FNDC1: variants seen among roughly 807,000 people sequenced by gnomAD.
The protein encoded by FNDC1 is fibronectin type III domain-containing protein 1.
Under a neutral mutation model 168.0 loss-of-function variants are expected in FNDC1, and 96 were observed. The observed-to-expected ratio is 0.57, with a 90% confidence interval of 0.48 to 0.68. The LOEUF is 0.68. Among genes scored for constraint, FNDC1 ranks in the 30% least tolerant of loss-of-function variants. FNDC1 has a pLI of 0.00. For missense variants in FNDC1, 2,587 were observed against 2,482.1 expected, an observed-to-expected ratio of 1.04 and a Z score of -0.90; for synonymous variants, 1,099 against 1,025.9, an observed-to-expected ratio of 1.07 and a Z score of -1.36.
At chr6:159,193,926 G>A (rs1782188900) in intron 1 of FNDC1, among the ~76,000 whole-genome samples, 1 of 152,190 alleles carries the variant, frequency 6.6e-6, no homozygotes, top group Admixed American at 6.5e-5. Context: ...GGCAATTGCT[G>A]GGTATCTGAA....
At chr6:159,179,075 C>T (rs1362222879) in intron 1 of FNDC1, among the ~76,000 whole-genome samples, 5 of 152,236 alleles carry the variant, frequency 3.3e-5, no homozygotes, top group Non-Finnish European at 7.3e-5. Context: ...CTCCGGCCTC[C>T]TGGCTGGTTC....
rs1417434518 is a variant in FNDC1, at chr6:159,233,384, G to A, written c.2872G>A (p.Ala958Thr). The change falls in exon 11 of 23, where the codon GCG becomes ACG. Residue 958 changes from alanine to threonine, a missense_variant. By Grantham distance (58) the Ala-to-Thr change is moderately conservative (BLOSUM62 0). Coordinates refer to ENST00000297267, the MANE Select transcript of FNDC1 (RefSeq NM_032532.3). The surrounding 1 kb of genome is among the most constrained non-coding windows in gnomAD (Gnocchi z 4.6). ...KAQDVQQSTD[A>T]DTEGHSPKAQ... ...TCAGGATGTTCAACAGAGCACAGAC[G>A]CGGACACGGAGGGTCATTCTCCCAA... is the stretch of plus-strand genomic sequence containing the variant. 3.7e-6 allele frequency: 6 copies of A among 1,613,478 alleles called. No homozygotes were observed. The highest frequency in any genetic ancestry group is 4.2e-6 in the Non-Finnish European group (5 of 1,179,818).
rs1374245268 is a variant in FNDC1, at chr6:159,269,514, G to GCATCCATCTATCCATCCATC, written c.5569+1596_5569+1597insTATCCATCCATCCATCCATC. Among the ~76,000 whole-genome samples, 627 of 86,010 alleles carry GCATCCATCTATCCATCCATC rather than the reference G, an allele frequency of 7.3e-3. 17 individuals are homozygous for GCATCCATCTATCCATCCATC. The highest frequency in any genetic ancestry group is 0.016 in the African/African-American group (365 of 22,756). 56.4% of individuals were successfully genotyped at this position (86,010 alleles called of 152,430 possible). A position where few individuals can be genotyped will look rare whatever the true frequency, so the allele number is the denominator to read the frequency against. On this transcript the variant is annotated intron_variant, in intron 22 of 22. Coordinates refer to ENST00000297267, the MANE Select transcript of FNDC1 (RefSeq NM_032532.3). The stretch of plus-strand genomic sequence containing the variant: ...TCTATCTATCTATCCATCCATCCAT[G>GCATCCATCTATCCATCCATC]CATCCATCCATCCATCCATCCATCC...
chr6:159,240,082 C>A, intron 14 of FNDC1, 125 bp downstream of exon 14: 1 of 856,452 alleles, frequency 1.2e-6, no homozygotes, highest in Non-Finnish European at 1.6e-6. Context: ...CAACCCGATG[C>A]ATTTTTGGTC....
At position 159,169,580 on chromosome 6, in the gene FNDC1, C is replaced by A; in HGVS notation, c.-17C>A. 1 of 1,034,774 alleles carries A rather than the reference C, an allele frequency of 9.7e-7. No individual in the cohort carries two copies. The highest frequency in any genetic ancestry group is 4.4e-5 in the South Asian group (1 of 22,538). 64.1% of individuals were successfully genotyped at this position (1,034,774 alleles called of 1,614,324 possible). On this transcript the variant is annotated 5_prime_UTR_variant, in exon 1 of 23. Transcript: ENST00000297267. This position sits in a 1 kb window ranked among gnomAD's most constrained non-coding sequence, Gnocchi z 6.8. ...GCCAGCCGCAAGCACCCAGCCCCGG[C>A]CCACCCCGGGCTCTCGATGGCCCCC...
chr6:159,264,152 A>G (rs542693509), intron 19 of FNDC1, among the ~76,000 whole-genome samples: 1 of 152,330 alleles, frequency 6.6e-6, no homozygotes, highest in Non-Finnish European at 1.5e-5. Flanking sequence ...GCTTATACCC[A>G]TGAAGCCATT....
Position 159,233,094 on chromosome 6 carries a change from T to C in FNDC1, c.2582T>C (p.Val861Ala), listed in dbSNP as rs1783137731. The C allele has an allele frequency of 6.3e-7, 1 of 1,594,430 alleles. No individual in the cohort carries two copies. Among genetic ancestry groups the C allele is most frequent in the Non-Finnish European group, 8.6e-7 (1 of 1,169,230 alleles). The change falls in exon 11 of 23, where the codon GTT (valine) becomes GCT (alanine). Residue 861 changes from valine (V) to alanine (A), a missense_variant. Physicochemically the swap from Val to Ala is moderately conservative, Grantham distance 64 (BLOSUM62 0). Coordinates refer to ENST00000297267, the MANE Select transcript of FNDC1 (RefSeq NM_032532.3). The surrounding 1 kb of genome is among the most constrained non-coding windows in gnomAD (Gnocchi z 4.6). ...GTGCCCTCCCGAGCCCACCCCAGGG[T>C]TCCCTCTCACTCTGATTCCCACCCT... is the stretch of plus-strand genomic sequence containing the variant. ...STVPSRAHPR[V>A]PSHSDSHPKL...
chr6:159,184,012 A>G (rs1477100514), intron 1 of FNDC1, among the ~76,000 whole-genome samples: 2 of 152,366 alleles, frequency 1.3e-5, no homozygotes, highest in Admixed American at 1.3e-4. Flanking sequence ...TAGTAGAAAG[A>G]GCATGGTCCA....
chr6:159,261,938 CAAA>C (rs779384252), intron 19 of FNDC1, among the ~76,000 whole-genome samples: 14 of 107,188 alleles, frequency 1.3e-4, no homozygotes, highest in African/African-American at 3.7e-4. Flanking sequence ...CCTGTTTCTA[CAAA>C]AAAAAAATTT....
In FNDC1 at chr6:159,264,993, T is replaced by C. The variant is rs761183120; in HGVS notation, c.5273T>C (p.Val1758Ala). The change falls in exon 20 of 23, where the codon GTG becomes GCG. Residue 1758 changes from valine to alanine, a missense_variant. By Grantham distance (64) the Val-to-Ala change is moderately conservative (BLOSUM62 0). Transcript: ENST00000297267. ...VTESDNPLLVVRPPGGEPIWI... is the reference protein window; with the variant it reads ...VTESDNPLLVARPPGGEPIWI... ...TCTACAGATAATCCTCTGCTTGTTG[T>C]GAGGCCCCCAGGTAAGTTTATGTTC... 3.7e-6 allele frequency: 6 copies of C among 1,606,808 alleles called. No homozygotes were observed. The South Asian group carries it at 6.7e-5, about 18-fold the overall frequency.
In FNDC1 at chr6:159,232,226, C is replaced by T. The variant is rs1280017353; in HGVS notation, c.1714C>T (p.His572Tyr). Residue 572 changes from histidine to tyrosine, a missense_variant, in exon 11 of 23, where the codon CAC becomes TAC. Transcript: ENST00000297267. This position sits in a 1 kb window ranked among gnomAD's most constrained non-coding sequence, Gnocchi z 4.9. Reference protein sequence around the residue: ...QKRTLRPPSRHGHSVVAPGRT... With the variant: ...QKRTLRPPSRYGHSVVAPGRT... ...ACGGACCCTGAGGCCGCCAAGTAGA[C>T]ACGGCCACTCGGTGGTTGCTCCCGG... The T allele has an allele frequency of 6.2e-7, 1 of 1,612,672 alleles. No individual in the cohort carries two copies. Among genetic ancestry groups the T allele is most frequent in the African/African-American group, 1.3e-5 (1 of 74,880 alleles).
At chr6:159,179,331 C>G (rs775638545) in intron 1 of FNDC1, among the ~76,000 whole-genome samples, 2 of 152,210 alleles carry the variant, frequency 1.3e-5, no homozygotes, top group African/African-American at 2.4e-5. Flanking sequence ...TGGTGGCAGA[C>G]GCCTGTAGTC....
chr6:159,191,361 A>G (rs1475684562), intron 1 of FNDC1, among the ~76,000 whole-genome samples: 4 of 152,234 alleles, frequency 2.6e-5, no homozygotes, highest in Non-Finnish European at 1.5e-5. Flanking sequence ...CTATTATTTT[A>G]AGACTTGATT....
In FNDC1 at chr6:159,169,728, C is replaced by G; in HGVS notation, c.109+23C>G. 1.0e-6 allele frequency: 1 copy of G among 1,003,264 alleles called. No homozygotes were observed. The highest frequency in any genetic ancestry group is 1.2e-6 in the Non-Finnish European group (1 of 802,922). The allele number at this position is 1,003,264 out of a possible 1,614,324, so 62.1% of individuals were successfully genotyped here. ...CAGGTACGCGCCGCGCCCGGGCCCC[C>G]GGCGCTCCTCAGCTCCCCGCGCACC... is the stretch of plus-strand genomic sequence containing the variant. On this transcript the variant is annotated intron_variant, in intron 1 of 22. Transcript: ENST00000297267. The surrounding 1 kb of genome is among the most constrained non-coding windows in gnomAD (Gnocchi z 6.8).
intron 19 of FNDC1, among the ~76,000 whole-genome samples, chr6:159,262,970 G>A (rs1012019382): frequency 2.6e-5 from 4 of 152,192 alleles, no homozygotes; most frequent in Non-Finnish European, 5.9e-5. Flanking sequence ...ATGGCTAGGC[G>A]AGCAACAGGC....
chr6:159,171,817 G>A (rs1006982246), intron 1 of FNDC1, among the ~76,000 whole-genome samples: 2 of 152,182 alleles, frequency 1.3e-5, no homozygotes, highest in African/African-American at 4.8e-5. Flanking sequence ...GGTATCTTAG[G>A]ATGGTTAGGG....
rs556332571 is a variant in FNDC1 at position 159,239,946 on chromosome 6, A to G, written c.4610A>G (p.Tyr1537Cys). The G allele has an allele frequency of 3.4e-6, 5 of 1,481,358 alleles. No homozygotes were observed. The South Asian group carries it at 5.4e-5, about 16-fold the overall frequency. 91.8% of individuals were successfully genotyped at this position (1,481,358 alleles called of 1,614,324 possible). ...IMSSNGIPECYAEEDEFSGLE... is the reference protein window; with the variant it reads ...IMSSNGIPECCAEEDEFSGLE... ...AGCTCCAATGGGATCCCAGAGTGCT[A>G]CGCTGAAGAAGGTAACTGCCTTTGT... The change falls in exon 14 of 23, where the codon TAC becomes TGC. Residue 1537 changes from tyrosine (Y) to cysteine (C), a missense_variant. Tyr to Cys is a radical substitution (Grantham distance 194, BLOSUM62 -2). Coordinates refer to ENST00000297267, the MANE Select transcript of FNDC1 (RefSeq NM_032532.3).
chr6:159,207,694 G>A (rs979713963), intron 4 of FNDC1, among the ~76,000 whole-genome samples: 2 of 152,230 alleles, frequency 1.3e-5, no homozygotes, highest in Non-Finnish European at 2.9e-5. Flanking sequence ...AAGCCAATGT[G>A]TGTGTGTGTT....
chr6:159,206,839 TG>T (rs1243071282), intron 4 of FNDC1, among the ~76,000 whole-genome samples: 2 of 152,184 alleles, frequency 1.3e-5, no homozygotes, highest in Non-Finnish European at 2.9e-5. Flanking sequence ...CCATGGGCTG[TG>T]GGGTGGCCTG....
Sources: allele counts gnomAD v4.1 joint callset (sites outside exome capture counted in the v4.1 genomes callset), GRCh38; gene constraint gnomAD v4.1.1; non-coding constraint Gnocchi (gnomAD v3.1); transcripts MANE v1.5; gene names NCBI Gene and HGNC (gene_info 2026-07-23, HGNC 2026-07-21).